Variants in SLC9A9 observed in about 807,000 individuals in gnomAD.
The protein encoded by SLC9A9 is solute carrier family 9 member A9, also known as sodium/hydrogen exchanger 9.
SLC9A9 carries 62 observed loss-of-function variants against 77.8 expected under a neutral mutation model. That is an observed-to-expected ratio of 0.80 (90% CI 0.65 to 0.98). The LOEUF (loss-of-function observed/expected upper bound fraction) is 0.98. Among genes scored for constraint, SLC9A9 ranks in the 50% least tolerant of loss-of-function variants. SLC9A9 has a pLI of 0.00. For missense variants in SLC9A9, 775 were observed against 774.9 expected, an observed-to-expected ratio of 1.00 and a Z score of 0.00; for synonymous variants, 320 against 283.5, an observed-to-expected ratio of 1.13 and a Z score of -1.29.
At chr3:143,832,258 G>A (rs2108889512) in intron 1 of SLC9A9, 37 bp from the exon 2 acceptor site, 2 of 1,566,158 alleles carry the variant, frequency 1.3e-6, no homozygotes, top group Non-Finnish European at 1.7e-6. Context: ...ACTGGAGGAA[G>A]GCAATCTAAA....
intron 4 of SLC9A9, among the ~76,000 whole-genome samples, chr3:143,786,385 C>T (rs1357434317): frequency 6.6e-6 from 1 of 151,918 alleles, no homozygotes; most frequent in African/African-American, 2.4e-5. Context: ...TTTTTATTCC[C>T]TCGGGACTTG....
intron 14 of SLC9A9, among the ~76,000 whole-genome samples, chr3:143,284,413 T>A (rs1284254851): frequency 6.6e-6 from 1 of 151,828 alleles, no homozygotes; most frequent in South Asian, 2.1e-4. Flanking sequence ...TATTTTTTTT[T>A]TTTTTTGAAA....
intron 4 of SLC9A9, among the ~76,000 whole-genome samples, chr3:143,762,699 G>C (rs916087426): frequency 6.6e-6 from 1 of 152,132 alleles, no homozygotes; most frequent in African/African-American, 2.4e-5. Context: ...CAAGGAGATT[G>C]TCTTCTCCAC....
At chr3:143,508,220 T>G (rs140129310) in intron 9 of SLC9A9, among the ~76,000 whole-genome samples, 1 of 152,314 alleles carries the variant, frequency 6.6e-6, no homozygotes, top group Non-Finnish European at 1.5e-5. Context: ...CTTTCTAAAT[T>G]AACATTTACT....
At chr3:143,366,627 T>A (rs2032909750) in intron 13 of SLC9A9, among the ~76,000 whole-genome samples, 1 of 152,196 alleles carries the variant, frequency 6.6e-6, no homozygotes, top group African/African-American at 2.4e-5. Flanking sequence ...ATAGCTATAC[T>A]TGAACACTTG....
chr3:143,756,288 G>A (rs2006921993), intron 4 of SLC9A9, among the ~76,000 whole-genome samples: 1 of 152,308 alleles, frequency 6.6e-6, no homozygotes, highest in Admixed American at 6.5e-5. Context: ...AACAGTGGTA[G>A]TAACTAGGCT....
chr3:143,326,840 T>C (rs1279072925), intron 14 of SLC9A9, among the ~76,000 whole-genome samples: 1 of 152,230 alleles, frequency 6.6e-6, no homozygotes, highest in Non-Finnish European at 1.5e-5. Flanking sequence ...TGGCACTTAG[T>C]AGGCACTAAA....
chr3:143,456,627 C>A (rs188558261), intron 12 of SLC9A9, among the ~76,000 whole-genome samples: 360 of 150,528 alleles, frequency 2.4e-3, no homozygotes, highest in Non-Finnish European at 3.9e-3. Flanking sequence ...TGCAGTGGCA[C>A]AATATCGGCT....
intron 6 of SLC9A9, among the ~76,000 whole-genome samples, chr3:143,651,598 C>A (rs2038796537): frequency 6.6e-6 from 1 of 152,074 alleles, no homozygotes; most frequent in South Asian, 2.1e-4. Context: ...CAAGAAGAGA[C>A]CTCTGACATA....
chr3:143,514,850 GC>G (rs1304042501), intron 9 of SLC9A9, among the ~76,000 whole-genome samples: 2 of 152,076 alleles, frequency 1.3e-5, no homozygotes, highest in African/African-American at 4.8e-5. Context: ...AGACTGTTTT[GC>G]TTTTTTTTGT....
At chr3:143,373,304 C>T (rs2033099154) in intron 13 of SLC9A9, among the ~76,000 whole-genome samples, 1 of 152,102 alleles carries the variant, frequency 6.6e-6, no homozygotes, top group African/African-American at 2.4e-5. Flanking sequence ...TTTGCAGCAA[C>T]TCAGATTGAG....
chr3:143,372,616 G>C (rs2033082856), intron 13 of SLC9A9, among the ~76,000 whole-genome samples: 1 of 152,026 alleles, frequency 6.6e-6, no homozygotes, highest in Non-Finnish European at 1.5e-5. Flanking sequence ...AAAAATAAAT[G>C]GGGCCTAATT....
intron 9 of SLC9A9, among the ~76,000 whole-genome samples, chr3:143,495,827 C>A (rs919017696): frequency 1.3e-5 from 2 of 152,168 alleles, no homozygotes; most frequent in Non-Finnish European, 2.9e-5. Flanking sequence ...AACCTCTGTG[C>A]ACATTACCCA....
chr3:143,759,122 GGA>G (rs1235630476), intron 4 of SLC9A9, among the ~76,000 whole-genome samples: 1 of 152,050 alleles, frequency 6.6e-6, no homozygotes, highest in Non-Finnish European at 1.5e-5. Context: ...GAGTACTAAG[GGA>G]GAGAGAAAGG....
chr3:143,779,412 C>T (rs188354583), intron 4 of SLC9A9, among the ~76,000 whole-genome samples: 1 of 152,056 alleles, frequency 6.6e-6, no homozygotes, highest in Admixed American at 6.5e-5. Flanking sequence ...TGTTTTGTTG[C>T]CCAGGCTGGC....
At chr3:143,779,533 G>A (rs940380939) in intron 4 of SLC9A9, among the ~76,000 whole-genome samples, 7 of 151,932 alleles carry the variant, frequency 4.6e-5, no homozygotes, top group African/African-American at 9.7e-5. Flanking sequence ...CACATGCCTC[G>A]CCAATTTTTG....
intron 5 of SLC9A9, among the ~76,000 whole-genome samples, chr3:143,686,239 C>T (rs1933259291): frequency 6.6e-6 from 1 of 151,970 alleles, no homozygotes; most frequent in Non-Finnish European, 1.5e-5. Context: ...ATTAAAAGCT[C>T]GCTGTTCTAG....
chr3:143,385,010 G>C (rs1223709158), intron 12 of SLC9A9, among the ~76,000 whole-genome samples: 1 of 152,152 alleles, frequency 6.6e-6, no homozygotes, highest in Admixed American at 6.5e-5. Context: ...TGTGTAAGGG[G>C]GATATTCTAA....
chr3:143,519,315 A>T (rs932191853), intron 9 of SLC9A9, among the ~76,000 whole-genome samples: 1 of 152,194 alleles, frequency 6.6e-6, no homozygotes, highest in Admixed American at 6.5e-5. Context: ...CTTTCCCTAA[A>T]AAAATAAAAC....
Sources: allele counts gnomAD v4.1 joint callset (sites outside exome capture counted in the v4.1 genomes callset), GRCh38; gene constraint gnomAD v4.1.1; transcripts MANE v1.5; gene names NCBI Gene and HGNC (gene_info 2026-07-23, HGNC 2026-07-21).